Variants in CRACR2A observed in about 807,000 individuals in gnomAD.
The protein encoded by CRACR2A is calcium release activated channel regulator 2A, also known as EF-hand calcium-binding domain-containing protein 4B.
CRACR2A carries 79 observed loss-of-function variants against 90.5 expected under a neutral mutation model. The ratio of observed to expected loss-of-function variants is 0.87; its 90% CI spans 0.73 to 1.05. CRACR2A has a LOEUF of 1.05. Ranked by LOEUF, CRACR2A falls within the 50% of genes least tolerant of loss-of-function variation. CRACR2A has a pLI of 0.00. For missense variants in CRACR2A, 823 were observed against 897.2 expected, an observed-to-expected ratio of 0.92 and a Z score of 1.06; for synonymous variants, 338 against 356.7, an observed-to-expected ratio of 0.95 and a Z score of 0.59.
At chr12:3,713,112 G>T in intron 3 of CRACR2A, 125 bp downstream of exon 3, 1 of 275,082 alleles carries the variant, frequency 3.6e-6, no homozygotes, top group Non-Finnish European at 5.5e-6. Flanking sequence ...AGGGCCCACT[G>T]CTGATCCTCA....
intron 1 of CRACR2A, among the ~76,000 whole-genome samples, chr12:3,742,390 C>T (rs1339869255): frequency 1.3e-5 from 2 of 152,166 alleles, no homozygotes; most frequent in African/African-American, 4.8e-5. Flanking sequence ...GGACATAGTC[C>T]ACATCATACA....
At chr12:3,747,127 T>C (rs1946638546) in intron 1 of CRACR2A, among the ~76,000 whole-genome samples, 1 of 152,194 alleles carries the variant, frequency 6.6e-6, no homozygotes, top group South Asian at 2.1e-4. Context: ...GTGGAACGCT[T>C]GAGGACTTGG....
intron 6 of CRACR2A, among the ~76,000 whole-genome samples, chr12:3,677,286 G>T (rs763462059): frequency 6.6e-6 from 1 of 152,214 alleles, no homozygotes; most frequent in Non-Finnish European, 1.5e-5. Flanking sequence ...TCACAGCCGT[G>T]AATGTTTCCC....
chr12:3,644,706 A>C, intron 11 of CRACR2A, 66 bp from the exon 12 acceptor site: 1 of 1,463,052 alleles, frequency 6.8e-7, no homozygotes, highest in Non-Finnish European at 9.4e-7. Flanking sequence ...AACGGCAGCC[A>C]ATTTGCTATT....
At chr12:3,680,982 T>C (rs527487394) in intron 4 of CRACR2A, among the ~76,000 whole-genome samples, 2 of 152,346 alleles carry the variant, frequency 1.3e-5, no homozygotes, top group South Asian at 2.1e-4. Context: ...AGGAAGTACG[T>C]GGCAGAGCCA....
At chr12:3,736,672 C>T (rs1052914737) in intron 1 of CRACR2A, among the ~76,000 whole-genome samples, 1 of 152,112 alleles carries the variant, frequency 6.6e-6, no homozygotes, top group Non-Finnish European at 1.5e-5. Context: ...TTAAGGGACA[C>T]TCAGAACACG....
In CRACR2A at chr12:3,673,608, C is replaced by A. The variant is rs779501011; in HGVS notation, c.525-16G>T. ...ATCACTTTCACTGCAAGAGAAGGGACGCTCATGTGGAAGTGTGGAGATGAG... is the reference window on the plus strand; with the variant it reads ...ATCACTTTCACTGCAAGAGAAGGGAAGCTCATGTGGAAGTGTGGAGATGAG... On this transcript the variant is annotated splice_polypyrimidine_tract_variant and intron_variant, in intron 6 of 19. Transcript: ENST00000440314. 1.9e-6 allele frequency: 3 copies of A among 1,610,814 alleles called. No homozygotes were observed. Among genetic ancestry groups the A allele is most frequent in the Admixed American group, 1.7e-5 (1 of 59,480 alleles).
intron 15 of CRACR2A, among the ~76,000 whole-genome samples, chr12:3,631,437 C>T (rs1944373568): frequency 6.6e-6 from 1 of 152,132 alleles, no homozygotes; most frequent in Non-Finnish European, 1.5e-5. Context: ...CCTCTCCCTG[C>T]CTCCCCCAGA....
intron 3 of CRACR2A, among the ~76,000 whole-genome samples, chr12:3,702,361 T>A (rs1945846561): frequency 1.3e-5 from 2 of 152,158 alleles, no homozygotes; most frequent in Admixed American, 6.5e-5. Context: ...AAAAGTTAAA[T>A]TGTCTTTATT....
chr12:3,687,863 G>A (rs2109094), intron 4 of CRACR2A, among the ~76,000 whole-genome samples: 35,064 of 152,050 alleles, frequency 0.23, 4,132 homozygotes, highest in East Asian at 0.32. Flanking sequence ...GTTATTTTTT[G>A]GCTTTTTAGT....
chr12:3,654,310 G>T lies in CRACR2A; in HGVS notation c.948C>A (p.Ala316=). 6.2e-7 allele frequency: 1 copy of T among 1,613,978 alleles called. No homozygotes were observed. The highest frequency in any genetic ancestry group is 1.1e-5 in the South Asian group (1 of 91,072). The change falls in exon 10 of 20, where the codon GCC becomes GCA. Residue 316 remains alanine, a synonymous_variant. Transcript: ENST00000440314. Reference sequence around the variant, plus strand: ...CCCAGGAAGTCCGCTCCAGCTCCCGGGCCAGCTCCTGGTTAGTGAGTTTCA... The same window carrying T: ...CCCAGGAAGTCCGCTCCAGCTCCCGTGCCAGCTCCTGGTTAGTGAGTTTCA... ...TKLKLTNQEL[A]RELERTSWEL... is the part of the protein sequence containing the mutation.
At position 3,626,111 on chromosome 12, in the gene CRACR2A, G is replaced by A. The variant is rs149363655; in HGVS notation, c.1932+1325C>T. ...AATTTTGAGAAATAACAGGTAGTAG[G>A]CAAATTCTTGAGAAACCCTTGAATC... On this transcript the variant is annotated intron_variant, in intron 17 of 19. Coordinates refer to ENST00000440314, the MANE Select transcript of CRACR2A (RefSeq NM_001144958.2). 2.4e-4 allele frequency among the ~76,000 whole-genome samples: 37 copies of A among 152,312 alleles called. No individual in the cohort carries two copies. The East Asian group carries it at 6.9e-3, about 29-fold the overall frequency.
At position 3,619,436 on chromosome 12, in the gene CRACR2A, A is replaced by G. The variant is rs944758557; in HGVS notation, c.1933-64T>C. On this transcript the variant is annotated intron_variant, in intron 17 of 19. Transcript: ENST00000440314. ...ATAGGATTGCCCAGAGGGCAGGCTA[A>G]CAATGCCGGCTGGACAGATGGGACC... 6.0e-6 allele frequency: 8 copies of G among 1,341,250 alleles called. No homozygotes were observed. In the African/African-American group the frequency reaches 1.0e-4, roughly 17 times the overall value. 83.1% of individuals were successfully genotyped at this position (1,341,250 alleles called of 1,614,324 possible).
chr12:3,640,990 T>C (rs1330146895), intron 13 of CRACR2A, among the ~76,000 whole-genome samples: 3 of 152,252 alleles, frequency 2.0e-5, no homozygotes, highest in Admixed American at 6.5e-5. Flanking sequence ...GAGTTAACTA[T>C]TGGAGATTCT....
intron 2 of CRACR2A, among the ~76,000 whole-genome samples, chr12:3,716,736 C>T (rs1237386975): frequency 6.6e-6 from 1 of 152,148 alleles, no homozygotes; most frequent in Non-Finnish European, 1.5e-5. Context: ...AATTCTCCTG[C>T]CCAAGCTTCT....
intron 3 of CRACR2A, among the ~76,000 whole-genome samples, chr12:3,710,803 A>T (rs1565497865): frequency 6.7e-6 from 1 of 149,214 alleles, no homozygotes; most frequent in Non-Finnish European, 1.5e-5. Flanking sequence ...AAAAAAAAAA[A>T]AAGAAAGAAA....
chr12:3,712,739 C>T (rs1040152211), intron 3 of CRACR2A, among the ~76,000 whole-genome samples: 1 of 152,168 alleles, frequency 6.6e-6, no homozygotes, highest in African/African-American at 2.4e-5. Flanking sequence ...TGAAATGAGA[C>T]AGCAGATGTG....
intron 4 of CRACR2A, among the ~76,000 whole-genome samples, chr12:3,694,916 C>G (rs1257933339): frequency 6.6e-6 from 1 of 152,188 alleles, no homozygotes. Context: ...TTCAGGTGTT[C>G]TCCTGCCTGG....
chr12:3,644,403 TG>T (rs1210295792), intron 12 of CRACR2A, among the ~76,000 whole-genome samples, 191 bp downstream of exon 12: 2 of 152,274 alleles, frequency 1.3e-5, no homozygotes, highest in Admixed American at 1.3e-4. Flanking sequence ...CATTACTCTG[TG>T]GAAAATTAAC....
Sources: allele counts gnomAD v4.1 joint callset (sites outside exome capture counted in the v4.1 genomes callset), GRCh38; gene constraint gnomAD v4.1.1; transcripts MANE v1.5; gene names NCBI Gene and HGNC (gene_info 2026-07-23, HGNC 2026-07-21).